WDR12: variants seen among roughly 807,000 people sequenced by gnomAD.
The protein encoded by WDR12 is WD repeat domain 12.
A neutral mutation model predicts 64.3 loss-of-function variants in WDR12; 42 were observed. That is an observed-to-expected ratio of 0.65 (90% CI 0.51 to 0.84). WDR12 has a LOEUF of 0.84. Ranked by LOEUF, WDR12 falls within the 40% of genes least tolerant of loss-of-function variation. The probability of loss-of-function intolerance (pLI) is 0.00; values close to 1 mark genes in which losing one functional copy is unlikely to be tolerated. For synonymous variants in WDR12, 158 were observed against 173.3 expected (o/e 0.91, Z 0.70); for missense variants, 469 against 494.6 (o/e 0.95, Z 0.49).
rs774067037 is a variant in WDR12, at chr2:202,896,105, C to G, written c.569G>C (p.Gly190Ala). The G allele has an allele frequency of 6.2e-7, 1 of 1,614,084 alleles. No homozygotes were observed. Among genetic ancestry groups the G allele is most frequent in the Non-Finnish European group, 8.5e-7 (1 of 1,179,976 alleles). ...ATCAACAGCTATAGAATCTACACTT[C>G]CAGCATGACCTCTACAGCAGTGTAG... ...KALHCCRGHA[G>A]SVDSIAVDGS... Residue 190 changes from glycine (G) to alanine (A), a missense_variant, in exon 6 of 13, where the codon GGA becomes GCA. Transcript: ENST00000261015.
intron 7 of WDR12, among the ~76,000 whole-genome samples, chr2:202,894,206 C>G (rs1199794996): frequency 7.0e-6 from 1 of 142,578 alleles, no homozygotes; most frequent in Non-Finnish European, 1.5e-5. Context: ...AAAAAGTCCC[C>G]TTTCACTAAA....
At chr2:202,883,406 G>T in intron 11 of WDR12, 2 of 493,208 alleles carry the variant, frequency 4.1e-6, no homozygotes, top group South Asian at 2.4e-5. Flanking sequence ...AAAGTGCTGG[G>T]ATTACAGGTG....
At position 202,891,815 on chromosome 2, in the gene WDR12, A is replaced by G. The variant is rs375823858; in HGVS notation, c.741+802T>C. On this transcript the variant is annotated intron_variant, in intron 8 of 12. Transcript: ENST00000261015. The stretch of plus-strand genomic sequence containing the variant: ...ATATAAATACAGGTCAGGTCACATT[A>G]TAACAAATATCTTTGTAACAGGATA... Among the ~76,000 whole-genome samples the G allele has an allele frequency of 9.8e-5, 15 of 152,350 alleles. No individual in the cohort carries two copies. The East Asian group carries it at 2.3e-3, about 23-fold the overall frequency.
intron 6 of WDR12, among the ~76,000 whole-genome samples, chr2:202,895,414 TTGA>T (rs1688219231): frequency 6.6e-6 from 1 of 152,210 alleles, no homozygotes; most frequent in Admixed American, 6.5e-5. Context: ...GCGTTTTCAG[TTGA>T]TGACAGCACT....
At chr2:202,891,100 TTGA>T (rs1403857761) in intron 8 of WDR12, among the ~76,000 whole-genome samples, 2 of 152,188 alleles carry the variant, frequency 1.3e-5, no homozygotes, top group Admixed American at 1.3e-4. Context: ...CTTTAAAAGT[TTGA>T]CCAGGGACAT....
intron 4 of WDR12, among the ~76,000 whole-genome samples, chr2:202,898,439 C>T (rs886115335): frequency 6.6e-6 from 1 of 152,236 alleles, no homozygotes; most frequent in African/African-American, 2.4e-5. Context: ...GCGTGAGCCA[C>T]GCGCCTGGCT....
At chr2:202,906,761 G>A (rs1048905935) in intron 2 of WDR12, among the ~76,000 whole-genome samples, 4 of 152,112 alleles carry the variant, frequency 2.6e-5, no homozygotes, top group African/African-American at 9.7e-5. Context: ...CTACTCTGGA[G>A]GATGAGGCAG....
intron 6 of WDR12, 195 bp from the exon 7 acceptor site, chr2:202,894,821 T>A: frequency 2.2e-6 from 1 of 463,284 alleles, no homozygotes; most frequent in Non-Finnish European, 3.9e-6. Context: ...CTTATTGCCA[T>A]GTCTTTTGAA....
At chr2:202,904,444 C>T (rs2105911724) in intron 2 of WDR12, among the ~76,000 whole-genome samples, 1 of 152,198 alleles carries the variant, frequency 6.6e-6, no homozygotes, top group East Asian at 1.9e-4. Flanking sequence ...TCAAATTATA[C>T]TACAGAGCTA....
At chr2:202,907,394 T>A (rs552939762) in intron 2 of WDR12, among the ~76,000 whole-genome samples, 1 of 152,334 alleles carries the variant, frequency 6.6e-6, no homozygotes, top group African/African-American at 2.4e-5. Flanking sequence ...ATCCTTTTTT[T>A]ATGAATTCTG....
intron 4 of WDR12, among the ~76,000 whole-genome samples, chr2:202,897,725 T>G (rs961626123): frequency 6.8e-6 from 1 of 147,832 alleles, no homozygotes; most frequent in African/African-American, 2.5e-5. Flanking sequence ...CTGTCTCTAC[T>G]AAAAATACAA....
chr2:202,882,597 C>G lies in WDR12; in HGVS notation c.1194+114G>C, dbSNP rs758723454. 4.3e-5 allele frequency: 44 copies of G among 1,012,014 alleles called. No homozygotes were observed. The East Asian group carries it at 7.9e-4, about 18-fold the overall frequency. The allele number at this position is 1,012,014 out of a possible 1,614,324, so 62.7% of individuals were successfully genotyped here. Reference sequence around the variant, plus strand: ...CCCACCTTGGCCTCCCAAAGTGCTGCGATTACAGGCGTGAGCCACTGCACC... The same window carrying G: ...CCCACCTTGGCCTCCCAAAGTGCTGGGATTACAGGCGTGAGCCACTGCACC... On this transcript the variant is annotated intron_variant, in intron 12 of 12. Transcript: ENST00000261015.
At chr2:202,887,637 C>G (rs538948224) in intron 8 of WDR12, among the ~76,000 whole-genome samples, 2 of 151,596 alleles carry the variant, frequency 1.3e-5, no homozygotes, top group Non-Finnish European at 2.9e-5. Flanking sequence ...GCCTGTAATC[C>G]CAGCACTTTG....
At chr2:202,908,422 T>A (rs533234556) in intron 1 of WDR12, among the ~76,000 whole-genome samples, 1 of 152,332 alleles carries the variant, frequency 6.6e-6, no homozygotes, top group Admixed American at 6.5e-5. Flanking sequence ...ACCACTGCAC[T>A]GCACTCCAGC....
chr2:202,895,082 GT>G (rs1398315069), intron 6 of WDR12, among the ~76,000 whole-genome samples: 1 of 152,122 alleles, frequency 6.6e-6, no homozygotes, highest in Non-Finnish European at 1.5e-5. Flanking sequence ...ATCCACTAAA[GT>G]TTGGACTAAA....
intron 5 of WDR12, 115 bp from the exon 6 acceptor site, chr2:202,896,334 A>G (rs2105908262): frequency 8.4e-7 from 1 of 1,185,504 alleles, no homozygotes; most frequent in East Asian, 2.6e-5. Context: ...GATGTTAAAA[A>G]GATAACTCAT....
At chr2:202,909,357 G>GA (rs1266743492) in intron 1 of WDR12, among the ~76,000 whole-genome samples, 2 of 152,148 alleles carry the variant, frequency 1.3e-5, no homozygotes, top group African/African-American at 4.8e-5. Flanking sequence ...CCACAAAAAG[G>GA]AATGAAGTGC....
intron 5 of WDR12, among the ~76,000 whole-genome samples, chr2:202,896,798 C>A (rs1688250661): frequency 6.6e-6 from 1 of 152,046 alleles, no homozygotes; most frequent in Non-Finnish European, 1.5e-5. Context: ...ATCAGCCTGG[C>A]CAAGATGGTG....
intron 8 of WDR12, among the ~76,000 whole-genome samples, chr2:202,887,874 G>A (rs1688077190): frequency 7.5e-6 from 1 of 133,814 alleles, no homozygotes; most frequent in South Asian, 2.4e-4. Flanking sequence ...CGACCTGGGC[G>A]ACAGAGCGAG....
Sources: allele counts gnomAD v4.1 joint callset (sites outside exome capture counted in the v4.1 genomes callset), GRCh38; gene constraint gnomAD v4.1.1; transcripts MANE v1.5; gene names NCBI Gene and HGNC (gene_info 2026-07-23, HGNC 2026-07-21).